INSL6: variants seen among roughly 807,000 people sequenced by gnomAD.
INSL6 encodes the protein insulin-like peptide INSL6.
In INSL6, 16 loss-of-function variants were observed where a neutral mutation model predicts 9.4. The ratio of observed to expected loss-of-function variants is 1.70; its 90% CI spans 1.15 to 2.59. The LOEUF is 2.59. Among genes scored for constraint, INSL6 ranks in the 30% most tolerant of loss-of-function variants. The probability of loss-of-function intolerance (pLI) is 0.00; values close to 1 mark genes in which losing one functional copy is unlikely to be tolerated. For synonymous variants in INSL6, 154 were observed against 96.9 expected, an observed-to-expected ratio of 1.59 and a Z score of -3.46; for missense variants, 391 against 257.3, an observed-to-expected ratio of 1.52 and a Z score of -3.56.
At chr9:5,147,649 A>G (rs1171478328) in intron 2 of INSL6, among the ~76,000 whole-genome samples, 1 of 141,538 alleles carries the variant, frequency 7.1e-6, no homozygotes, top group Admixed American at 7.0e-5. Context: ...CTTCAAATAT[A>G]TTTTCCAAGT....
At chr9:5,111,293 C>CA in the INSL6 span, 25 of 475,580 alleles carry the variant, frequency 5.3e-5, 1 homozygote, top group South Asian at 4.0e-4. Flanking sequence ...TCCTGCCGGG[C>CA]AAGCTGGCCC....
intron 1 of INSL6, among the ~76,000 whole-genome samples, chr9:5,178,374 G>A (rs1825365807): frequency 6.6e-6 from 1 of 152,174 alleles, no homozygotes; most frequent in East Asian, 1.9e-4. Flanking sequence ...GCATGAGAAA[G>A]GGTTCCCCAG....
the INSL6 span, among the ~76,000 whole-genome samples, chr9:5,067,378 G>A: frequency 7.2e-5 from 11 of 152,090 alleles, no homozygotes; most frequent in South Asian, 2.1e-4. Flanking sequence ...TATCACTTAT[G>A]AGGCAATTTC....
At chr9:5,092,138 T>C in the INSL6 span, among the ~76,000 whole-genome samples, 2 of 152,116 alleles carry the variant, frequency 1.3e-5, no homozygotes, top group Non-Finnish European at 2.9e-5. Context: ...GGTCAACGTG[T>C]AGCTCATGAG....
At chr9:5,152,854 C>T (rs556489380) in intron 2 of INSL6, among the ~76,000 whole-genome samples, 4 of 152,260 alleles carry the variant, frequency 2.6e-5, no homozygotes, top group Admixed American at 2.0e-4. Context: ...GTACCACATT[C>T]ATCTCATTGG....
chr9:5,133,681 C>G (rs766808160), intron 2 of INSL6: 1 of 151,864 alleles, frequency 6.6e-6, no homozygotes, highest in Non-Finnish European at 1.5e-5. Context: ...CTCAGAGACC[C>G]CACCCAAAGG....
intron 3 of INSL6, chr9:5,126,586 G>C (rs1586848489): frequency 1.1e-6 from 1 of 942,446 alleles, no homozygotes; most frequent in East Asian, 2.5e-5. Flanking sequence ...ACAAGGCATG[G>C]TTATGACATG....
chr9:5,034,448 C>G, the INSL6 span, among the ~76,000 whole-genome samples: 7 of 152,066 alleles, frequency 4.6e-5, no homozygotes, highest in African/African-American at 1.7e-4. Context: ...ATTTTCAGCA[C>G]CACACCACAC....
the INSL6 span, chr9:5,091,085 G>A: frequency 6.1e-6 from 3 of 491,748 alleles, no homozygotes; most frequent in Non-Finnish European, 1.1e-5. Context: ...TATAGTCCAC[G>A]TGGGAAAATG....
chr9:5,155,587 C>T (rs1401039983), intron 2 of INSL6, among the ~76,000 whole-genome samples: 4 of 150,652 alleles, frequency 2.7e-5, no homozygotes, highest in Non-Finnish European at 5.9e-5. Context: ...TACTATGCAG[C>T]CATAAAAAAG....
chr9:5,167,949 G>C (rs1201392501), intron 1 of INSL6, among the ~76,000 whole-genome samples: 1 of 152,136 alleles, frequency 6.6e-6, no homozygotes. Context: ...ATAAAGTCTG[G>C]AATGGACTCC....
At chr9:5,022,038 T>G in the INSL6 span, 2 of 1,614,204 alleles carry the variant, frequency 1.2e-6, no homozygotes, top group African/African-American at 2.7e-5. Flanking sequence ...CATCCACCTC[T>G]TCTATATATC....
chr9:5,085,773 T>C, the INSL6 span: 4 of 754,594 alleles, frequency 5.3e-6, no homozygotes, highest in South Asian at 2.8e-5. Flanking sequence ...TCGGGAGTTA[T>C]TATGATGAAT....
chr9:5,183,835 G>A (rs1199786784), intron 1 of INSL6, among the ~76,000 whole-genome samples: 1 of 152,070 alleles, frequency 6.6e-6, no homozygotes, highest in Non-Finnish European at 1.5e-5. Flanking sequence ...TGTGGGCCAC[G>A]AACTAGCAGC....
At chr9:5,115,385 G>C in the INSL6 span, among the ~76,000 whole-genome samples, 2 of 152,162 alleles carry the variant, frequency 1.3e-5, no homozygotes, top group Non-Finnish European at 2.9e-5. Context: ...CAGTTAGAAT[G>C]GCGATCATTA....
chr9:5,086,359 C>G, the INSL6 span, among the ~76,000 whole-genome samples: 11 of 151,590 alleles, frequency 7.3e-5, no homozygotes, highest in Admixed American at 7.2e-4. Flanking sequence ...TTTTGAAATC[C>G]TCTTTATTCC....
intron 2 of INSL6, among the ~76,000 whole-genome samples, chr9:5,140,138 TTTAATC>T (rs1824468820): frequency 6.6e-6 from 1 of 152,162 alleles, no homozygotes; most frequent in South Asian, 2.1e-4. Flanking sequence ...AGGAAATATA[TTTAATC>T]TATTTAAGTC....
At chr9:5,152,819 G>A (rs1250627119) in intron 2 of INSL6, among the ~76,000 whole-genome samples, 4 of 152,188 alleles carry the variant, frequency 2.6e-5, no homozygotes, top group Admixed American at 2.6e-4. Flanking sequence ...GCAGAAGGCA[G>A]GTGATTTCTG....
chr9:5,126,835 A>G (rs966081063), intron 3 of INSL6: 1 of 1,189,358 alleles, frequency 8.4e-7, no homozygotes, highest in Admixed American at 1.9e-5. Context: ...TTTACAGAAC[A>G]AAGTTTTATA....
Sources: allele counts gnomAD v4.1 joint callset (sites outside exome capture counted in the v4.1 genomes callset), GRCh38; gene constraint gnomAD v4.1.1; transcripts MANE v1.5; gene names NCBI Gene and HGNC (gene_info 2026-07-23, HGNC 2026-07-21).